The following DOCK3 variants were observed in gnomAD, a reference collection of about 807,000 sequenced individuals.
DOCK3 encodes dedicator of cytokinesis protein 3.
Under a neutral mutation model 265.6 loss-of-function variants are expected in DOCK3, and 60 were observed. The ratio of observed to expected loss-of-function variants is 0.23; its 90% confidence interval spans 0.18 to 0.28. The LOEUF (loss-of-function observed/expected upper bound fraction) is 0.28, where lower values mean the gene tolerates loss of function less well. Ranked by LOEUF, DOCK3 falls within the 10% of genes least tolerant of loss-of-function variation. DOCK3 has a pLI of 1.00. For missense variants in DOCK3, 1,981 were observed against 2,594.3 expected (o/e 0.76, Z 5.14); for synonymous variants, 881 against 938.0 (o/e 0.94, Z 1.11).
intron 3 of DOCK3, among the ~76,000 whole-genome samples, chr3:50,872,493 C>T (rs2047479228): frequency 6.6e-6 from 1 of 152,240 alleles, no homozygotes; most frequent in Admixed American, 6.5e-5. Context: ...AGACCTGAAG[C>T]CAGGTCTCAC....
At chr3:51,122,203 G>C (rs1387552261) in intron 9 of DOCK3, among the ~76,000 whole-genome samples, 1 of 152,208 alleles carries the variant, frequency 6.6e-6, no homozygotes, top group East Asian at 1.9e-4. Context: ...ATTTAGCACT[G>C]GTGCAGTGGC....
At chr3:50,682,044 G>T (rs1242825555) in intron 1 of DOCK3, among the ~76,000 whole-genome samples, 1 of 152,196 alleles carries the variant, frequency 6.6e-6, no homozygotes, top group African/African-American at 2.4e-5. Context: ...ATAAGTCCTT[G>T]TTCTGTGCCT....
intron 32 of DOCK3, among the ~76,000 whole-genome samples, chr3:51,325,980 G>A (rs2084081182): frequency 6.6e-6 from 1 of 151,548 alleles, no homozygotes; most frequent in Non-Finnish European, 1.5e-5. Flanking sequence ...GTTGATGGGT[G>A]CAGCAAACCA....
chr3:51,083,651 C>T (rs2082318039), intron 7 of DOCK3, among the ~76,000 whole-genome samples: 1 of 152,096 alleles, frequency 6.6e-6, no homozygotes, highest in Non-Finnish European at 1.5e-5. Flanking sequence ...AGAAAAAATA[C>T]AGTCAAGAGC....
chr3:50,926,832 C>A (rs1021314909), intron 4 of DOCK3, among the ~76,000 whole-genome samples: 18 of 152,336 alleles, frequency 1.2e-4, no homozygotes, highest in African/African-American at 4.3e-4. Flanking sequence ...GTTATAGTTT[C>A]TTGCCTGTGT....
intron 1 of DOCK3, chr3:50,719,867 A>G (rs2037364614): frequency 1.5e-6 from 1 of 683,654 alleles, no homozygotes; most frequent in African/African-American, 1.8e-5. Context: ...TGCTCAGAGC[A>G]TGAAGTTTTC....
intron 1 of DOCK3, among the ~76,000 whole-genome samples, chr3:50,679,839 A>G (rs1284613655): frequency 6.6e-6 from 1 of 152,172 alleles, no homozygotes; most frequent in East Asian, 1.9e-4. Flanking sequence ...TTTGTTCTGA[A>G]AAGTGAGGAT....
chr3:51,126,167 G>A (rs2084255728), intron 9 of DOCK3, among the ~76,000 whole-genome samples: 1 of 152,112 alleles, frequency 6.6e-6, no homozygotes, highest in Non-Finnish European at 1.5e-5. Flanking sequence ...AACTAAATTG[G>A]TTTCTTCAAC....
intron 5 of DOCK3, 80 bp downstream of exon 5, chr3:50,934,157 AT>A: frequency 1.0e-6 from 1 of 964,444 alleles, no homozygotes; most frequent in Non-Finnish European, 1.5e-6. Context: ...CTAAGTATGC[AT>A]TTTAGATTTC....
At chr3:50,798,097 C>T (rs183151669) in intron 2 of DOCK3, among the ~76,000 whole-genome samples, 1 of 152,050 alleles carries the variant, frequency 6.6e-6, no homozygotes, top group Non-Finnish European at 1.5e-5. Context: ...TAAGCGATAG[C>T]TGTTAGGTAG....
intron 5 of DOCK3, among the ~76,000 whole-genome samples, chr3:50,990,441 A>G (rs1441170266): frequency 6.6e-6 from 1 of 152,220 alleles, no homozygotes; most frequent in East Asian, 1.9e-4. Context: ...AGGGAACCCC[A>G]TCAGGCTAAC....
intron 22 of DOCK3, among the ~76,000 whole-genome samples, chr3:51,256,202 T>G (rs962593480): frequency 1.3e-5 from 2 of 152,218 alleles, no homozygotes; most frequent in Non-Finnish European, 2.9e-5. Flanking sequence ...ATCACCTGTC[T>G]TCTGCATCGC....
chr3:50,826,558 G>A (rs1490117888), intron 2 of DOCK3, among the ~76,000 whole-genome samples: 2 of 152,148 alleles, frequency 1.3e-5, no homozygotes, highest in Non-Finnish European at 2.9e-5. Context: ...TAACATGAAA[G>A]ATGGCCACAT....
chr3:51,088,074 A>C (rs549648033), intron 7 of DOCK3, among the ~76,000 whole-genome samples: 3 of 152,364 alleles, frequency 2.0e-5, no homozygotes, highest in East Asian at 3.9e-4. Context: ...TGCCATAAAA[A>C]GAATGAAATA....
intron 27 of DOCK3, among the ~76,000 whole-genome samples, chr3:51,282,092 A>G (rs2081155930): frequency 2.0e-5 from 3 of 152,264 alleles, no homozygotes; most frequent in Admixed American, 2.0e-4. Flanking sequence ...CTCACATTCT[A>G]TACCCGACCC....
chr3:50,846,656 G>T (rs1040674340), intron 3 of DOCK3, among the ~76,000 whole-genome samples: 6 of 152,102 alleles, frequency 3.9e-5, no homozygotes, highest in Non-Finnish European at 7.4e-5. Context: ...TGGTTGATAG[G>T]TTTTTTATTA....
At chr3:50,864,678 C>T (rs1303696036) in intron 3 of DOCK3, among the ~76,000 whole-genome samples, 2 of 151,968 alleles carry the variant, frequency 1.3e-5, no homozygotes, top group African/African-American at 4.8e-5. Flanking sequence ...CCAGTTTTTG[C>T]AGCACCATTT....
intron 27 of DOCK3, among the ~76,000 whole-genome samples, chr3:51,288,913 T>G (rs555525063): frequency 7.9e-5 from 12 of 151,650 alleles, no homozygotes; most frequent in East Asian, 5.8e-4. Context: ...GGTGTGTGTG[T>G]GTGTGTGTGT....
At chr3:51,286,736 T>C (rs2081428327) in intron 27 of DOCK3, among the ~76,000 whole-genome samples, 3 of 152,156 alleles carry the variant, frequency 2.0e-5, no homozygotes, top group Admixed American at 2.0e-4. Context: ...CCCTGTTCAA[T>C]AAATGGTGCT....
Sources: gnomAD v4.1 joint callset for allele counts (sites outside exome capture counted in the v4.1 genomes callset) on GRCh38, gnomAD v4.1.1 for gene constraint, MANE v1.5 for transcripts, NCBI Gene and HGNC (gene_info 2026-07-23, HGNC 2026-07-21) for gene names.